CHLSN: variants seen among roughly 807,000 people sequenced by gnomAD.
CHLSN encodes cholesin.
At chr7:1,073,039 T>C in the CHLSN span, among the ~76,000 whole-genome samples, 2 of 152,188 alleles carry the variant, frequency 1.3e-5, no homozygotes, top group South Asian at 2.1e-4. Context: ...GTGCCCAGTA[T>C]TGGCATAAAG....
the CHLSN span, among the ~76,000 whole-genome samples, chr7:1,126,983 C>T: frequency 6.6e-6 from 1 of 152,174 alleles, no homozygotes; most frequent in South Asian, 2.1e-4. Context: ...CACCATCCTG[C>T]ATGCCGCCAC....
the CHLSN span, among the ~76,000 whole-genome samples, chr7:1,133,305 A>G: frequency 2.0e-5 from 3 of 151,084 alleles, no homozygotes; most frequent in Non-Finnish European, 4.4e-5. Flanking sequence ...GTGGGTGACC[A>G]CTAAGGGGCA....
chr7:1,030,659 C>G, the CHLSN span, among the ~76,000 whole-genome samples: 1 of 152,206 alleles, frequency 6.6e-6, no homozygotes, highest in African/African-American at 2.4e-5. Flanking sequence ...TGAAGGCACA[C>G]ATAGGCTTGT....
the CHLSN span, among the ~76,000 whole-genome samples, chr7:1,135,967 AAGT>A: frequency 7.8e-6 from 1 of 127,768 alleles, no homozygotes; most frequent in Admixed American, 8.9e-5. Context: ...AAATATATAT[AAGT>A]ATATATAAAT....
At chr7:1,040,861 A>AAG in the CHLSN span, among the ~76,000 whole-genome samples, 65 of 152,360 alleles carry the variant, frequency 4.3e-4, no homozygotes, top group African/African-American at 1.5e-3. Flanking sequence ...AAACAACGAG[A>AAG]AGGCGCAGCT....
chr7:1,018,080 G>A, the CHLSN span, among the ~76,000 whole-genome samples: 1 of 152,086 alleles, frequency 6.6e-6, no homozygotes, highest in South Asian at 2.1e-4. Context: ...CCACTCACAC[G>A]AGCACGCATA....
the CHLSN span, among the ~76,000 whole-genome samples, chr7:1,103,363 C>T: frequency 6.6e-6 from 1 of 152,128 alleles, no homozygotes; most frequent in Non-Finnish European, 1.5e-5. Context: ...CACAGTCATT[C>T]GGCTTCTTTA....
At chr7:1,125,487 C>G in the CHLSN span, among the ~76,000 whole-genome samples, 1 of 152,224 alleles carries the variant, frequency 6.6e-6, no homozygotes, top group Non-Finnish European at 1.5e-5. Context: ...AAGCCAGCAC[C>G]GGGCCCCTGC....
At chr7:1,022,978 C>T in the CHLSN span, 1 of 472,830 alleles carries the variant, frequency 2.1e-6, no homozygotes, top group East Asian at 6.6e-5. Context: ...GAGGCGCTCA[C>T]AGGCAGGCAC....
chr7:1,010,898 G>A, the CHLSN span, among the ~76,000 whole-genome samples: 2 of 151,994 alleles, frequency 1.3e-5, no homozygotes, highest in Non-Finnish European at 2.9e-5. Flanking sequence ...TCCGAGCAAG[G>A]CCAGGAGCCC....
At chr7:1,025,957 T>A in the CHLSN span, 1 of 152,256 alleles carries the variant, frequency 6.6e-6, no homozygotes, top group Non-Finnish European at 1.5e-5. Context: ...CCGCAGCAGC[T>A]CAAGCTTCAG....
At chr7:1,127,634 C>CGGGCTGG in the CHLSN span, among the ~76,000 whole-genome samples, 5 of 145,828 alleles carry the variant, frequency 3.4e-5, no homozygotes, top group African/African-American at 1.0e-4. Context: ...CTCTGTCACC[C>CGGGCTGG]AGGCTGGAGT....
the CHLSN span, among the ~76,000 whole-genome samples, chr7:996,236 G>A: frequency 6.6e-6 from 1 of 152,212 alleles, no homozygotes; most frequent in Non-Finnish European, 1.5e-5. Context: ...CGGAGCCTGT[G>A]ACTCTGCTCT....
At chr7:1,090,919 C>G in the CHLSN span, among the ~76,000 whole-genome samples, 6 of 152,198 alleles carry the variant, frequency 3.9e-5, no homozygotes, top group Admixed American at 1.3e-4. Context: ...CGCTGAACTT[C>G]TGTTTTATCG....
At chr7:1,136,274 T>C in the CHLSN span, among the ~76,000 whole-genome samples, 1 of 115,152 alleles carries the variant, frequency 8.7e-6, no homozygotes, top group Non-Finnish European at 1.6e-5. Context: ...TATAAATATA[T>C]AAAATATATA....
the CHLSN span, among the ~76,000 whole-genome samples, chr7:1,103,192 C>A: frequency 2.0e-5 from 3 of 152,200 alleles, no homozygotes; most frequent in Admixed American, 1.3e-4. Flanking sequence ...AAGGCGTTTA[C>A]GTGGCTATCC....
the CHLSN span, among the ~76,000 whole-genome samples, chr7:1,129,132 G>C: frequency 6.4e-5 from 2 of 31,068 alleles, no homozygotes; most frequent in Non-Finnish European, 1.1e-4. Context: ...CTGGAGTGCA[G>C]TGGCGCGATC....
chr7:985,177 C>A, the CHLSN span: 2 of 1,577,508 alleles, frequency 1.3e-6, no homozygotes. Context: ...CCGGCCCTTC[C>A]CGCTGGCCCT....
chr7:1,008,986 C>A, the CHLSN span, among the ~76,000 whole-genome samples: 3 of 111,032 alleles, frequency 2.7e-5, no homozygotes, highest in African/African-American at 1.2e-4. Flanking sequence ...CACACCCATG[C>A]GAACACACAT....
Sources: allele counts gnomAD v4.1 joint callset (sites outside exome capture counted in the v4.1 genomes callset), GRCh38; gene constraint gnomAD v4.1.1; transcripts MANE v1.5; gene names NCBI Gene and HGNC (gene_info 2026-07-23, HGNC 2026-07-21).